The following EFR3A variants were observed in gnomAD, a reference collection of about 807,000 sequenced individuals.
EFR3A encodes the protein protein EFR3 homolog A.
EFR3A carries 76 observed loss-of-function variants against 104.4 expected under a neutral mutation model. The ratio of observed to expected loss-of-function variants is 0.73; its 90% CI spans 0.60 to 0.88. The LOEUF (loss-of-function observed/expected upper bound fraction) is 0.88. Ranked by LOEUF, EFR3A falls within the 40% of genes least tolerant of loss-of-function variation. The pLI, the probability that EFR3A is intolerant of heterozygous loss-of-function variation, is 0.00. For synonymous variants in EFR3A, 330 were observed against 330.0 expected (o/e 1.00, Z 0.00); for missense variants, 985 against 1,012.5 (o/e 0.97, Z 0.37).
rs1426526967 is a variant in EFR3A, at chr8:131,987,586, C to T, written c.1949C>T (p.Ser650Phe). The change falls in exon 18 of 23, where the codon TCT becomes TTT. Residue 650 changes from serine (S) to phenylalanine (F), a missense_variant. By Grantham distance (155) the Ser-to-Phe change is radical. Coordinates refer to ENST00000254624, the MANE Select transcript of EFR3A (RefSeq NM_015137.6). ...GATGAACTTCGCAGGCTTCCAAAAT[C>T]TTTAGAGAAGCATGAAAAAGATTTG... Reference protein sequence around the residue: ...IFRDKCMLPKSLEKHEKDLYF... With the variant: ...IFRDKCMLPKFLEKHEKDLYF... 2 of 1,594,586 alleles carry T rather than the reference C, an allele frequency of 1.3e-6. No individual in the cohort carries two copies. The highest frequency in any genetic ancestry group is 2.7e-5 in the African/African-American group (2 of 74,544).
At chr8:131,952,566 C>T (rs1195574899) in intron 5 of EFR3A, among the ~76,000 whole-genome samples, 1 of 152,128 alleles carries the variant, frequency 6.6e-6, no homozygotes, top group African/African-American at 2.4e-5. Flanking sequence ...TGTGCTTGGC[C>T]TTCTCATCAC....
chr8:131,999,441 A>G (rs924218921), intron 19 of EFR3A, among the ~76,000 whole-genome samples: 3 of 152,222 alleles, frequency 2.0e-5, no homozygotes, highest in Admixed American at 1.3e-4. Flanking sequence ...TGTAGGCCCA[A>G]GGGCATTATA....
At chr8:131,940,723 T>A in intron 2 of EFR3A, 148 bp downstream of exon 2, 1 of 1,289,848 alleles carries the variant, frequency 7.8e-7, no homozygotes. Flanking sequence ...TTCTTTTTTT[T>A]ACTCTTAAAT....
chr8:131,925,458 C>G (rs1344075010), intron 1 of EFR3A, among the ~76,000 whole-genome samples: 1 of 151,976 alleles, frequency 6.6e-6, no homozygotes, highest in Non-Finnish European at 1.5e-5. Flanking sequence ...GCATTGCACT[C>G]CATTTCCAAT....
intron 16 of EFR3A, among the ~76,000 whole-genome samples, chr8:131,985,884 T>C (rs1329412272): frequency 1.3e-5 from 2 of 152,212 alleles, no homozygotes; most frequent in African/African-American, 4.8e-5. Flanking sequence ...TCCAAAATAG[T>C]GCATTTGAGA....
chr8:131,942,998 T>C (rs1401410851), intron 2 of EFR3A, among the ~76,000 whole-genome samples: 3 of 152,132 alleles, frequency 2.0e-5, no homozygotes, highest in Non-Finnish European at 1.5e-5. Flanking sequence ...GGAAATCTTT[T>C]GTAAATGATG....
At chr8:131,998,829 C>T (rs528306720) in intron 19 of EFR3A, among the ~76,000 whole-genome samples, 2 of 151,980 alleles carry the variant, frequency 1.3e-5, no homozygotes, top group East Asian at 1.9e-4. Context: ...TGACTTTAGA[C>T]GAATGCTTCC....
chr8:132,010,692 A>T (rs961957494), intron 22 of EFR3A, 98 bp from the exon 23 acceptor site: 2 of 1,392,122 alleles, frequency 1.4e-6, no homozygotes, highest in South Asian at 1.4e-5. Flanking sequence ...GCAATTAAGG[A>T]GTCTGACTTT....
chr8:131,979,112 G>A, intron 13 of EFR3A, 93 bp downstream of exon 13: 1 of 1,288,392 alleles, frequency 7.8e-7, no homozygotes, highest in Admixed American at 2.4e-5. Flanking sequence ...AATCTAGCAT[G>A]TTCAGGTTTT....
intron 7 of EFR3A, among the ~76,000 whole-genome samples, chr8:131,958,623 C>A (rs1819148019): frequency 6.6e-6 from 1 of 150,892 alleles, no homozygotes; most frequent in South Asian, 2.1e-4. Flanking sequence ...TTTTTAATGA[C>A]CCAAAAAGTA....
chr8:131,962,992 G>A (rs1819473346), intron 8 of EFR3A, among the ~76,000 whole-genome samples: 1 of 152,192 alleles, frequency 6.6e-6, no homozygotes, highest in Non-Finnish European at 1.5e-5. Flanking sequence ...CGAAATGAAG[G>A]CAGAAATGAA....
Position 131,946,025 on chromosome 8 carries a change from TGTAAA to T in EFR3A, c.216-453_216-449del, listed in dbSNP as rs1440782035. On this transcript the variant is annotated intron_variant, in intron 3 of 22. Coordinates refer to ENST00000254624, the MANE Select transcript of EFR3A (RefSeq NM_015137.6). ...GTACAAGATGTAAAATCTGATGAAT[TGTAAA>T]GTAATATTTATGAGATTTTTAAAAT... Among the ~76,000 whole-genome samples, 26 of 152,046 alleles carry T rather than the reference TGTAAA, an allele frequency of 1.7e-4. 1 individual carries two copies. The highest frequency in any genetic ancestry group is 1.2e-4 in the Non-Finnish European group (8 of 67,976).
chr8:131,951,343 CAGAGGTAAAAA>C (rs1457177960), intron 5 of EFR3A, among the ~76,000 whole-genome samples: 1 of 152,046 alleles, frequency 6.6e-6, no homozygotes, highest in Non-Finnish European at 1.5e-5. Flanking sequence ...AAAGCCTTCT[CAGAGGTAAAAA>C]ATACTATAAT....
intron 6 of EFR3A, among the ~76,000 whole-genome samples, chr8:131,954,253 A>G (rs1002516138): frequency 3.3e-5 from 5 of 152,128 alleles, no homozygotes; most frequent in African/African-American, 1.2e-4. Flanking sequence ...TTGCTGTTTT[A>G]ATGGATACTA....
chr8:131,986,244 C>G lies in EFR3A; in HGVS notation c.1920C>G (p.Ile640Met). ...CCCCTTATTTTCTACCAGAGCATAT[C>G]TTCAGAGATAAGTGCATGTATGTTA... ...MEAPYFLPEH[I>M]FRDKCMLPKS... is the part of the protein sequence containing the mutation. Residue 640 changes from isoleucine to methionine, a missense_variant, in exon 17 of 23, where the codon ATC becomes ATG. Physicochemically the swap from Ile to Met is conservative, Grantham distance 10 (BLOSUM62 1). Transcript: ENST00000254624. 2 of 1,583,198 alleles carry G rather than the reference C, an allele frequency of 1.3e-6. No individual in the cohort carries two copies.
At chr8:132,007,233 G>GT (rs1306745140) in intron 22 of EFR3A, among the ~76,000 whole-genome samples, 3 of 151,688 alleles carry the variant, frequency 2.0e-5, no homozygotes, top group African/African-American at 7.3e-5. Context: ...GTGGAAAATC[G>GT]TAAGTAATCA....
chr8:131,929,346 T>C (rs1050654180), intron 1 of EFR3A, among the ~76,000 whole-genome samples: 72 of 152,300 alleles, frequency 4.7e-4, no homozygotes, highest in African/African-American at 1.7e-3. Context: ...TGCAGAACTT[T>C]ATGCTTACTT....
chr8:131,972,006 A>G lies in EFR3A; in HGVS notation c.1159+1363A>G, dbSNP rs186592597. The stretch of plus-strand genomic sequence containing the variant: ...TCTTTACCATGATGGCTGCAAAATG[A>G]TGGTTTTTAAACTCTAGCACTCCTT... On this transcript the variant is annotated intron_variant, in intron 10 of 22. Transcript: ENST00000254624. Among the ~76,000 whole-genome samples, 851 of 152,246 alleles carry G rather than the reference A, an allele frequency of 5.6e-3. 10 individuals are homozygous for G. Among genetic ancestry groups the G allele is most frequent in the Middle Eastern group, 0.041 (12 of 294 alleles).
intron 1 of EFR3A, among the ~76,000 whole-genome samples, chr8:131,937,630 T>G (rs569829253): frequency 6.6e-6 from 1 of 152,290 alleles, no homozygotes; most frequent in Non-Finnish European, 1.5e-5. Context: ...TAGTATTTAT[T>G]GAATATTTCC....
Sources: allele counts gnomAD v4.1 joint callset (sites outside exome capture counted in the v4.1 genomes callset), GRCh38; gene constraint gnomAD v4.1.1; transcripts MANE v1.5; gene names NCBI Gene and HGNC (gene_info 2026-07-23, HGNC 2026-07-21).